Variants in NEK6 observed in about 807,000 individuals in gnomAD.
The protein encoded by NEK6 is NIMA related kinase 6, also known as serine/threonine-protein kinase Nek6.
Under a neutral mutation model 43.5 loss-of-function variants are expected in NEK6, and 27 were observed. The observed-to-expected ratio is 0.62, with a 90% CI of 0.46 to 0.86. The LOEUF (loss-of-function observed/expected upper bound fraction) is 0.86, where lower values mean the gene tolerates loss of function less well. Ranked by LOEUF, NEK6 falls within the 40% of genes least tolerant of loss-of-function variation. The pLI is 0.00. For missense variants in NEK6, 318 were observed against 414.4 expected (o/e 0.77, Z 2.02); for synonymous variants, 167 against 164.1 (o/e 1.02, Z -0.14).
intron 8 of NEK6, among the ~76,000 whole-genome samples, chr9:124,341,280 C>T (rs1168435987): frequency 1.3e-5 from 2 of 152,196 alleles, no homozygotes; most frequent in Non-Finnish European, 2.9e-5. Context: ...CTTTATAAGC[C>T]AGTGACCTGC....
chr9:124,293,323 A>T (rs1199800710), intron 1 of NEK6, among the ~76,000 whole-genome samples: 2 of 152,230 alleles, frequency 1.3e-5, no homozygotes, highest in Admixed American at 1.3e-4. Context: ...TGCTGCCTGC[A>T]GTGCCCGACA....
At chr9:124,338,102 T>C (rs1241176863) in intron 7 of NEK6, among the ~76,000 whole-genome samples, 1 of 152,182 alleles carries the variant, frequency 6.6e-6, no homozygotes, top group Non-Finnish European at 1.5e-5. Flanking sequence ...TGCCTCAGCC[T>C]CCTGAGTAGC....
At chr9:124,285,171 G>A (rs16927327) in intron 1 of NEK6, among the ~76,000 whole-genome samples, 22,135 of 152,198 alleles carry the variant, frequency 0.15, 1,681 homozygotes, top group Non-Finnish European at 0.17. Context: ...GTTGAACGTC[G>A]AGGCATATTT....
At chr9:124,342,694 C>T (rs1277710712) in intron 8 of NEK6, among the ~76,000 whole-genome samples, 1 of 152,262 alleles carries the variant, frequency 6.6e-6, no homozygotes, top group East Asian at 1.9e-4. Context: ...CGAGGAGGCT[C>T]CACTTTGTCC....
At chr9:124,321,367 ACCGGGTG>A (rs927832189) in intron 4 of NEK6, 85 bp from the exon 5 acceptor site, 12 of 748,620 alleles carry the variant, frequency 1.6e-5, no homozygotes, top group Admixed American at 1.1e-4. Context: ...GGCCTCAGTG[ACCGGGTG>A]CCAGCAGGGT....
chr9:124,332,202 G>A (rs1024255), intron 7 of NEK6, among the ~76,000 whole-genome samples: 50,308 of 152,224 alleles, frequency 0.33, 8,496 homozygotes, highest in South Asian at 0.38. Flanking sequence ...ACAAGGATCT[G>A]TGCTGGGCCT....
At chr9:124,312,450 G>T in intron 2 of NEK6, 59 bp from the exon 3 acceptor site, 1 of 1,557,796 alleles carries the variant, frequency 6.4e-7, no homozygotes. Flanking sequence ...TCTAGGGGTC[G>T]TCCCCAGGCC....
chr9:124,309,564 CAG>C (rs1353656372), intron 2 of NEK6, among the ~76,000 whole-genome samples: 3 of 152,208 alleles, frequency 2.0e-5, no homozygotes, highest in Non-Finnish European at 4.4e-5. Flanking sequence ...CTAGATCTGA[CAG>C]GGAGTTCTAG....
intron 1 of NEK6, among the ~76,000 whole-genome samples, chr9:124,273,727 G>A (rs988542089): frequency 4.6e-5 from 7 of 152,254 alleles, no homozygotes; most frequent in African/African-American, 1.7e-4. Flanking sequence ...GGAGGCTAAA[G>A]ACTTCAGTTC....
chr9:124,318,180 A>G (rs1833910590), intron 4 of NEK6, among the ~76,000 whole-genome samples: 1 of 152,130 alleles, frequency 6.6e-6, no homozygotes, highest in African/African-American at 2.4e-5. Context: ...AGCCTCACCA[A>G]CATCTGTTAT....
chr9:124,344,902 G>A (rs1442892563), intron 8 of NEK6, among the ~76,000 whole-genome samples: 6 of 152,218 alleles, frequency 3.9e-5, no homozygotes, highest in African/African-American at 1.2e-4. Flanking sequence ...GCCCCTCCGT[G>A]GTGGAGGAGC....
rs1458422752 is a variant in NEK6, at chr9:124,326,869, C to T, written c.514+431C>T. Among the ~76,000 whole-genome samples the T allele has an allele frequency of 9.9e-5, 15 of 152,156 alleles. No individual in the cohort carries two copies. The highest frequency in any genetic ancestry group is 4.4e-5 in the Non-Finnish European group (3 of 68,022). ...GCCCGGCAGGGCACGAGGTCCTTTA[C>T]GTAGGCTGCTTCATGGACACCTCCG... is the stretch of plus-strand genomic sequence containing the variant. On this transcript the variant is annotated intron_variant, in intron 6 of 9. Transcript: ENST00000320246. This position sits in a 1 kb window ranked among gnomAD's most constrained non-coding sequence, Gnocchi z 4.5.
chr9:124,350,438 TG>T (rs1192995260), intron 9 of NEK6, among the ~76,000 whole-genome samples: 2 of 152,208 alleles, frequency 1.3e-5, no homozygotes, highest in African/African-American at 4.8e-5. Context: ...GCGTTTATTA[TG>T]ATCAATAAGC....
chr9:124,315,846 G>A (rs1028927790), intron 4 of NEK6, among the ~76,000 whole-genome samples: 4 of 152,234 alleles, frequency 2.6e-5, no homozygotes, highest in African/African-American at 4.8e-5. Context: ...CACACCCCTC[G>A]CTCACTAGCT....
At chr9:124,315,845 C>CT (rs1833789130) in intron 4 of NEK6, among the ~76,000 whole-genome samples, 1 of 152,258 alleles carries the variant, frequency 6.6e-6, no homozygotes, top group Non-Finnish European at 1.5e-5. Context: ...ACACACCCCT[C>CT]GCTCACTAGC....
At chr9:124,339,234 G>C (rs1450837351) in intron 7 of NEK6, among the ~76,000 whole-genome samples, 1 of 151,448 alleles carries the variant, frequency 6.6e-6, no homozygotes, top group Non-Finnish European at 1.5e-5. Flanking sequence ...TTGCCCTGTT[G>C]TCCACCCACC....
At chr9:124,282,501 G>A (rs547378765) in intron 1 of NEK6, among the ~76,000 whole-genome samples, 12 of 152,336 alleles carry the variant, frequency 7.9e-5, no homozygotes, top group Middle Eastern at 3.4e-3. Context: ...CTCTGGGGGC[G>A]TAAGGGATGA....
In NEK6 at chr9:124,347,826, A is replaced by C; in HGVS notation, c.831+4A>C. 1 of 1,594,874 alleles carries C rather than the reference A, an allele frequency of 6.3e-7. No individual in the cohort carries two copies. The highest frequency in any genetic ancestry group is 2.2e-5 in the East Asian group (1 of 44,630). Reference sequence around the variant, plus strand: ...CGGGGAGCACTACTCCGAGAAGGTGAGTTTGCAGGAGCCGGAGGCCTCGCC... The same window carrying C: ...CGGGGAGCACTACTCCGAGAAGGTGCGTTTGCAGGAGCCGGAGGCCTCGCC... On this transcript the variant is annotated splice_donor_region_variant and intron_variant, in intron 9 of 9. Coordinates refer to ENST00000320246, the MANE Select transcript of NEK6 (RefSeq NM_014397.6).
At chr9:124,312,231 A>G (rs1227744264) in intron 2 of NEK6, among the ~76,000 whole-genome samples, 1 of 152,206 alleles carries the variant, frequency 6.6e-6, no homozygotes, top group Non-Finnish European at 1.5e-5. Flanking sequence ...GAGACAGCAA[A>G]CAAACAAGCA....
Sources: allele counts gnomAD v4.1 joint callset (sites outside exome capture counted in the v4.1 genomes callset), GRCh38; gene constraint gnomAD v4.1.1; non-coding constraint Gnocchi (gnomAD v3.1); transcripts MANE v1.5; gene names NCBI Gene and HGNC (gene_info 2026-07-23, HGNC 2026-07-21).